The following CLYBL variants were observed in gnomAD, a reference collection of about 807,000 sequenced individuals.
CLYBL encodes citramalyl-CoA lyase.
Under a neutral mutation model 38.9 loss-of-function variants are expected in CLYBL, and 31 were observed. The ratio of observed to expected loss-of-function variants is 0.80; its 90% confidence interval spans 0.60 to 1.08. CLYBL has a LOEUF of 1.08. Among genes scored for constraint, CLYBL ranks in the 50% least tolerant of loss-of-function variants. The pLI is 0.00. For synonymous variants in CLYBL, 171 were observed against 158.6 expected, an observed-to-expected ratio of 1.08 and a Z score of -0.59; for missense variants, 434 against 411.6, an observed-to-expected ratio of 1.05 and a Z score of -0.47.
chr13:99,806,734 T>C (rs2050238974), intron 2 of CLYBL, among the ~76,000 whole-genome samples: 1 of 152,252 alleles, frequency 6.6e-6, no homozygotes, highest in African/African-American at 2.4e-5. Context: ...ACTGTTATTA[T>C]GTAGAGCCAT....
intron 1 of CLYBL, among the ~76,000 whole-genome samples, chr13:99,708,130 T>C (rs1035009866): frequency 4.6e-5 from 7 of 152,158 alleles, no homozygotes; most frequent in African/African-American, 1.7e-4. Context: ...AGGTGCCCAC[T>C]ACCACACCCG....
intron 2 of CLYBL, among the ~76,000 whole-genome samples, chr13:99,809,472 GAAGA>G (rs1264495161): frequency 6.6e-6 from 1 of 152,218 alleles, no homozygotes; most frequent in Non-Finnish European, 1.5e-5. Context: ...GGTAATAAAT[GAAGA>G]GAGGGTTCCC....
intron 1 of CLYBL, among the ~76,000 whole-genome samples, chr13:99,644,094 G>A (rs1002943313): frequency 1.3e-5 from 2 of 149,290 alleles, no homozygotes; most frequent in African/African-American, 5.0e-5. Flanking sequence ...GAAACTTTTG[G>A]TTTTTTATAT....
chr13:99,720,647 A>C (rs1321434514), intron 1 of CLYBL, among the ~76,000 whole-genome samples: 1 of 152,218 alleles, frequency 6.6e-6, no homozygotes, highest in Non-Finnish European at 1.5e-5. Flanking sequence ...TTCAAGGCTA[A>C]AAGCTATATT....
intron 1 of CLYBL, among the ~76,000 whole-genome samples, chr13:99,700,739 G>A (rs889615108): frequency 3.3e-5 from 5 of 152,176 alleles, no homozygotes; most frequent in Admixed American, 3.3e-4. Context: ...GAACTCAAAT[G>A]TGTATTTGCT....
At chr13:99,821,323 C>T (rs2139033939) in intron 2 of CLYBL, among the ~76,000 whole-genome samples, 2 of 152,312 alleles carry the variant, frequency 1.3e-5, no homozygotes, top group South Asian at 4.1e-4. Flanking sequence ...TTAATGTACT[C>T]ATCTTTGGAT....
At chr13:99,818,474 CACACACACACGG>C (rs2050506433) in intron 2 of CLYBL, among the ~76,000 whole-genome samples, 1 of 149,786 alleles carries the variant, frequency 6.7e-6, no homozygotes. Context: ...CACACACACA[CACACACACACGG>C]ACACACACTG....
intron 1 of CLYBL, among the ~76,000 whole-genome samples, chr13:99,703,068 A>G (rs2048093242): frequency 6.6e-6 from 1 of 152,216 alleles, no homozygotes; most frequent in Non-Finnish European, 1.5e-5. Context: ...CAGGTAATCT[A>G]GTTGAAGTGC....
intron 2 of CLYBL, among the ~76,000 whole-genome samples, chr13:99,824,942 C>G (rs539091819): frequency 1.0e-4 from 15 of 145,240 alleles, no homozygotes; most frequent in African/African-American, 3.8e-4. Context: ...GCTTCTCACC[C>G]CCTGCCCCCC....
rs561372911 is a variant in CLYBL, at chr13:99,877,571, C to CTTTTT, written c.927+6528_927+6532dup. 617 of 214,778 alleles carry CTTTTT rather than the reference C, an allele frequency of 2.9e-3. 9 individuals are homozygous for CTTTTT. The highest frequency in any genetic ancestry group is 3.7e-3 in the South Asian group (103 of 27,554). 13.3% of individuals were successfully genotyped at this position (214,778 alleles called of 1,614,324 possible). A position where few individuals can be genotyped will look rare whatever the true frequency, so the allele number is the denominator to read the frequency against. On this transcript the variant is annotated intron_variant, in intron 7 of 8. Coordinates refer to ENST00000339105, the MANE Select transcript of CLYBL (RefSeq NM_206808.5). ...GTATTAATTAAAGAATTTTGTAATTCTTTTTTTTTTTTTTTTTTTTTTTAA... is the reference window on the plus strand; with the variant it reads ...GTATTAATTAAAGAATTTTGTAATTCTTTTTTTTTTTTTTTTTTTTTTTTTTTTAA...
chr13:99,670,339 G>A (rs917376656), intron 1 of CLYBL, among the ~76,000 whole-genome samples: 1 of 152,190 alleles, frequency 6.6e-6, no homozygotes, highest in African/African-American at 2.4e-5. Flanking sequence ...CTGCGGTCCA[G>A]CCTGAGCAAA....
chr13:99,715,438 T>C (rs909581311), intron 1 of CLYBL, among the ~76,000 whole-genome samples: 2 of 150,244 alleles, frequency 1.3e-5, no homozygotes, highest in African/African-American at 2.4e-5. Context: ...TTTGAGACAG[T>C]CTCACTCGGA....
chr13:99,736,557 A>T (rs1044835983), intron 1 of CLYBL, among the ~76,000 whole-genome samples: 3 of 152,120 alleles, frequency 2.0e-5, no homozygotes, highest in Non-Finnish European at 2.9e-5. Flanking sequence ...TGAAATCGGC[A>T]GGTAAGAGTT....
chr13:99,692,450 C>T (rs1288545706), intron 1 of CLYBL, among the ~76,000 whole-genome samples: 1 of 151,994 alleles, frequency 6.6e-6, no homozygotes, highest in Non-Finnish European at 1.5e-5. Flanking sequence ...CGCCATCACG[C>T]CCGGTTAATT....
rs11839716 is a variant in CLYBL at position 99,848,905 on chromosome 13, G to A, written c.250-9956G>A. Among the ~76,000 whole-genome samples, 1,485 of 152,274 alleles carry A rather than the reference G, an allele frequency of 9.8e-3. 25 individuals carry two copies. Among genetic ancestry groups the A allele is most frequent in the African/African-American group, 0.033 (1,375 of 41,550 alleles). ...GAAAATCCCAGCACTTTGGGAGACCGAGGCAGGCAGATCACCTGAGGCTTG... is the reference window on the plus strand; with the variant it reads ...GAAAATCCCAGCACTTTGGGAGACCAAGGCAGGCAGATCACCTGAGGCTTG... On this transcript the variant is annotated intron_variant, in intron 2 of 8. Coordinates refer to ENST00000339105, the MANE Select transcript of CLYBL (RefSeq NM_206808.5).
intron 1 of CLYBL, among the ~76,000 whole-genome samples, chr13:99,607,681 C>T (rs973613367): frequency 1.3e-5 from 2 of 152,156 alleles, no homozygotes; most frequent in Non-Finnish European, 2.9e-5. Flanking sequence ...GCCCTATGAC[C>T]AGTAATGAGA....
chr13:99,894,565 T>A (rs1228377020), downstream of CLYBL: 2 of 152,132 alleles, frequency 1.3e-5, no homozygotes, highest in Admixed American at 6.5e-5. Flanking sequence ...GTGATCACTG[T>A]AGATTAGTTT....
intron 1 of CLYBL, among the ~76,000 whole-genome samples, chr13:99,652,998 C>T (rs757875045): frequency 2.6e-5 from 4 of 152,284 alleles, no homozygotes; most frequent in East Asian, 1.9e-4. Flanking sequence ...ACTCCCATGA[C>T]GACAAGTGGG....
chr13:99,787,744 T>C (rs2049828228), intron 2 of CLYBL, among the ~76,000 whole-genome samples: 1 of 152,188 alleles, frequency 6.6e-6, no homozygotes, highest in Non-Finnish European at 1.5e-5. Flanking sequence ...AAGAAAGTCA[T>C]TGGTAGCTTG....
Sources: gnomAD v4.1 joint callset for allele counts (sites outside exome capture counted in the v4.1 genomes callset) on GRCh38, gnomAD v4.1.1 for gene constraint, MANE v1.5 for transcripts, NCBI Gene and HGNC (gene_info 2026-07-23, HGNC 2026-07-21) for gene names.